MYRIP: variants seen among roughly 807,000 people sequenced by gnomAD.
MYRIP encodes the protein rab effector MyRIP.
Under a neutral mutation model 98.0 loss-of-function variants are expected in MYRIP, and 49 were observed. That is an observed-to-expected ratio of 0.50 (90% CI 0.40 to 0.63). The LOEUF (loss-of-function observed/expected upper bound fraction) is 0.63, where lower values mean the gene tolerates loss of function less well. MYRIP is among the 30% of genes least tolerant of loss of function. MYRIP has a pLI of 0.00. For missense variants in MYRIP, 1,004 were observed against 1,058.2 expected, an observed-to-expected ratio of 0.95 and a Z score of 0.71; for synonymous variants, 404 against 409.5, an observed-to-expected ratio of 0.99 and a Z score of 0.16.
At position 40,046,828 on chromosome 3, in the gene MYRIP, A is replaced by G. The variant is rs116567759; in HGVS notation, c.332+2557A>G. Among the ~76,000 whole-genome samples, 1,214 of 152,142 alleles carry G rather than the reference A, an allele frequency of 8.0e-3. 19 individuals carry two copies. The highest frequency in any genetic ancestry group is 0.028 in the African/African-American group (1,171 of 41,488). ...TGCTTCAGCATATTCCCCCACAAAT[A>G]AAAGGAAGTATCAGTACCTACATGA... On this transcript the variant is annotated intron_variant, in intron 3 of 16. Coordinates refer to ENST00000302541, the MANE Select transcript of MYRIP (RefSeq NM_015460.4).
intron 2 of MYRIP, among the ~76,000 whole-genome samples, chr3:39,995,925 C>A (rs968051010): frequency 3.3e-5 from 5 of 152,110 alleles, no homozygotes; most frequent in African/African-American, 1.2e-4. Flanking sequence ...TCCTATCCAG[C>A]CAAACTAAGC....
At chr3:39,950,888 C>T (rs1205773866) in intron 2 of MYRIP, among the ~76,000 whole-genome samples, 2 of 152,180 alleles carry the variant, frequency 1.3e-5, no homozygotes, top group African/African-American at 2.4e-5. Flanking sequence ...GCAGTGGAAT[C>T]ATCAAAATCT....
chr3:40,148,135 C>A (rs988165366), intron 3 of MYRIP, among the ~76,000 whole-genome samples: 7 of 152,174 alleles, frequency 4.6e-5, no homozygotes, highest in Admixed American at 1.3e-4. Flanking sequence ...TTATTGATTA[C>A]AAATTTTAGC....
intron 1 of MYRIP, among the ~76,000 whole-genome samples, chr3:39,826,150 T>G (rs1199830413): frequency 6.6e-6 from 1 of 151,992 alleles, no homozygotes; most frequent in Admixed American, 6.6e-5. Flanking sequence ...TATTGTATTT[T>G]TTTAGTCTCA....
intron 3 of MYRIP, among the ~76,000 whole-genome samples, chr3:40,089,039 TGCGTAGA>T (rs1948687875): frequency 6.6e-6 from 1 of 151,922 alleles, no homozygotes; most frequent in African/African-American, 2.4e-5. Context: ...CTTGGGCACC[TGCGTAGA>T]TGCTGGTGTC....
chr3:40,144,458 G>A (rs1169238600), intron 3 of MYRIP, among the ~76,000 whole-genome samples: 1 of 152,190 alleles, frequency 6.6e-6, no homozygotes, highest in Non-Finnish European at 1.5e-5. Context: ...AAAAGGAAAA[G>A]AAATGTCCCT....
chr3:40,232,890 AG>A (rs1449566367), intron 11 of MYRIP: 27 of 152,368 alleles, frequency 1.8e-4, no homozygotes, highest in African/African-American at 6.5e-4. Flanking sequence ...TGGCTTCAAC[AG>A]ATAGGGGATC....
At chr3:40,146,298 T>C (rs564823321) in intron 3 of MYRIP, among the ~76,000 whole-genome samples, 12 of 152,268 alleles carry the variant, frequency 7.9e-5, no homozygotes, top group South Asian at 4.2e-4. Flanking sequence ...AAGTGTCGGA[T>C]TGAGCCTGAG....
chr3:40,108,111 T>C (rs936578665), intron 3 of MYRIP, among the ~76,000 whole-genome samples: 2 of 151,216 alleles, frequency 1.3e-5, no homozygotes, highest in East Asian at 1.9e-4. Flanking sequence ...AGTCATAACA[T>C]AGTTTCAGCC....
intron 3 of MYRIP, among the ~76,000 whole-genome samples, chr3:40,131,785 A>G (rs1198299719): frequency 6.6e-6 from 1 of 152,184 alleles, no homozygotes; most frequent in Non-Finnish European, 1.5e-5. Flanking sequence ...TAATTATTAT[A>G]TATTTGTAAT....
intron 2 of MYRIP, among the ~76,000 whole-genome samples, chr3:39,962,020 C>G (rs554315700): frequency 2.0e-5 from 3 of 152,004 alleles, no homozygotes; most frequent in South Asian, 2.1e-4. Flanking sequence ...CTTTATAAGG[C>G]CAGTTAAGAG....
intron 2 of MYRIP, among the ~76,000 whole-genome samples, chr3:39,957,161 C>A (rs1227359752): frequency 6.6e-6 from 1 of 151,794 alleles, no homozygotes; most frequent in Admixed American, 6.6e-5. Flanking sequence ...AAGAGGGAAT[C>A]CTCCCTAACT....
intron 2 of MYRIP, among the ~76,000 whole-genome samples, chr3:39,977,122 T>TA (rs201729316): frequency 1.2e-3 from 178 of 151,444 alleles, no homozygotes; most frequent in Middle Eastern, 3.4e-3. Context: ...AAGGTTTATT[T>TA]TAAAAAAAAA....
chr3:39,867,660 A>T (rs1010278130), intron 1 of MYRIP, among the ~76,000 whole-genome samples: 2 of 152,210 alleles, frequency 1.3e-5, no homozygotes, highest in Non-Finnish European at 2.9e-5. Flanking sequence ...AGTGTTTGTC[A>T]GGATGTGGAG....
Position 39,878,785 on chromosome 3 carries a change from A to C in MYRIP, c.-30-22002A>C, listed in dbSNP as rs1364986740. Among the ~76,000 whole-genome samples the C allele has an allele frequency of 6.6e-5, 10 of 152,076 alleles. No homozygotes were observed. The East Asian group carries it at 1.9e-3, about 29-fold the overall frequency. ...TTAAAATATTGTTTGGGCTGGACAC[A>C]GTGGCTCACACCTGTAATCCCAGCA... On this transcript the variant is annotated intron_variant, in intron 1 of 16. Transcript: ENST00000302541.
intron 1 of MYRIP, among the ~76,000 whole-genome samples, chr3:39,871,297 G>A (rs1241125364): frequency 2.0e-5 from 3 of 152,210 alleles, no homozygotes; most frequent in African/African-American, 7.2e-5. Flanking sequence ...AATTTGGAAT[G>A]CCAGTCACTT....
intron 2 of MYRIP, among the ~76,000 whole-genome samples, chr3:39,952,670 G>A (rs1945052821): frequency 6.6e-6 from 1 of 152,098 alleles, no homozygotes; most frequent in South Asian, 2.1e-4. Context: ...AATACGAAGT[G>A]TTTTTTCCTA....
chr3:40,119,950 ACTAAT>A (rs1469400687), intron 3 of MYRIP, among the ~76,000 whole-genome samples: 4 of 151,948 alleles, frequency 2.6e-5, no homozygotes, highest in Non-Finnish European at 5.9e-5. Context: ...AAATAAATAA[ACTAAT>A]ACACAAAAAG....
intron 3 of MYRIP, among the ~76,000 whole-genome samples, chr3:40,098,168 T>G (rs1948867157): frequency 6.6e-6 from 1 of 152,252 alleles, no homozygotes; most frequent in African/African-American, 2.4e-5. Flanking sequence ...GCAGCCTTTT[T>G]GATATGTATA....
Sources: gnomAD v4.1 joint callset for allele counts (sites outside exome capture counted in the v4.1 genomes callset) on GRCh38, gnomAD v4.1.1 for gene constraint, MANE v1.5 for transcripts, NCBI Gene and HGNC (gene_info 2026-07-23, HGNC 2026-07-21) for gene names.